The following ENDOD1 variants were observed in gnomAD, a reference collection of about 807,000 sequenced individuals.
ENDOD1 encodes the protein endonuclease domain-containing 1 protein.
In ENDOD1, 9 loss-of-function variants were observed where a neutral mutation model predicts 6.5. The observed-to-expected ratio is 1.39, with a 90% CI of 0.84 to 2.43. The LOEUF (loss-of-function observed/expected upper bound fraction) is 2.43. Among genes scored for constraint, ENDOD1 ranks in the 30% most tolerant of loss-of-function variants. The pLI, the probability that ENDOD1 is intolerant of heterozygous loss-of-function variation, is 0.00. For missense variants in ENDOD1, 648 were observed against 635.5 expected (o/e 1.02, Z -0.21); for synonymous variants, 255 against 255.2 (o/e 1.00, Z 0.01).
At chr11:95,094,738 T>C (rs571537486) in intron 1 of ENDOD1, among the ~76,000 whole-genome samples, 63 of 152,350 alleles carry the variant, frequency 4.1e-4, no homozygotes, top group African/African-American at 1.4e-3. Flanking sequence ...AGAACAGATA[T>C]ATAGAGCATC....
At chr11:95,122,364 A>G (rs1303050465) in intron 1 of ENDOD1, among the ~76,000 whole-genome samples, 2 of 150,648 alleles carry the variant, frequency 1.3e-5, no homozygotes, top group East Asian at 3.9e-4. Context: ...CTGGGACTAC[A>G]GGCACATGCC....
intron 1 of ENDOD1, among the ~76,000 whole-genome samples, chr11:95,105,199 G>C (rs1859077976): frequency 6.6e-6 from 1 of 152,172 alleles, no homozygotes; most frequent in Non-Finnish European, 1.5e-5. Flanking sequence ...GTTTAATGAG[G>C]AAACTACAGT....
chr11:95,114,799 A>G (rs1859189223), intron 1 of ENDOD1, among the ~76,000 whole-genome samples: 1 of 152,078 alleles, frequency 6.6e-6, no homozygotes, highest in Admixed American at 6.6e-5. Flanking sequence ...AAATGAGTTC[A>G]CTGTAGGCGT....
chr11:95,128,546 C>T lies in ENDOD1; in HGVS notation c.470C>T (p.Thr157Ile). The T allele has an allele frequency of 6.2e-7, 1 of 1,614,252 alleles. No individual in the cohort carries two copies. The highest frequency in any genetic ancestry group is 8.5e-7 in the Non-Finnish European group (1 of 1,180,040). Residue 157 changes from threonine to isoleucine, a missense_variant, in exon 2 of 2, where the codon ACA (threonine) becomes ATA (isoleucine). By Grantham distance (89) the Thr-to-Ile change is moderately conservative. Transcript: ENST00000278505. ...CTTAGCAGTGATGTCCAGGTGGCCA[C>T]ATTTACTCTCACAAATTCAGCCCCA... ...FSLSSDVQVA[T>I]FTLTNSAPMT...
At position 95,129,576 on chromosome 11, in the gene ENDOD1, A is replaced by T; in HGVS notation, c.1500A>T (p.Leu500Phe). 1.2e-6 allele frequency: 2 copies of T among 1,607,984 alleles called. No individual in the cohort carries two copies. Among genetic ancestry groups the T allele is most frequent in the African/African-American group, 1.3e-5 (1 of 74,696 alleles). ...TTACTTTTGACAATTCTGGGGAGTTATAAACTCAAAAAACTAATAGTATCC... is the reference window on the plus strand; with the variant it reads ...TTACTTTTGACAATTCTGGGGAGTTTTAAACTCAAAAAACTAATAGTATCC... The part of the protein sequence containing the change: ...YKVTFDNSGE[L>F] Residue 500 changes from leucine to phenylalanine, a missense_variant, in exon 2 of 2, where the codon TTA becomes TTT. By Grantham distance (22) the Leu-to-Phe change is conservative (BLOSUM62 0). Transcript: ENST00000278505.
chr11:95,090,419 G>A (rs1555109763), intron 1 of ENDOD1, among the ~76,000 whole-genome samples, 192 bp downstream of exon 1: 2 of 170 alleles, frequency 0.012, no homozygotes, highest in African/African-American at 0.04. Context: ...CGCCCCTGTC[G>A]AGCTACAATA....
In ENDOD1 at chr11:95,129,723, G is replaced by T; in HGVS notation, c.*144G>T. The stretch of plus-strand genomic sequence containing the variant: ...CTGCTTGTTTTTGCAAAAGAAGATG[G>T]CAGAATTTAGACTTGACAGAGGAGA... On this transcript the variant is annotated 3_prime_UTR_variant, in exon 2 of 2. Transcript: ENST00000278505. 1.2e-6 allele frequency: 1 copy of T among 817,224 alleles called. No homozygotes were observed. The highest frequency in any genetic ancestry group is 1.8e-5 in the South Asian group (1 of 55,832). 50.6% of individuals were successfully genotyped at this position (817,224 alleles called of 1,614,324 possible). A position where few individuals can be genotyped will look rare whatever the true frequency, so the allele number is the denominator to read the frequency against.
intron 1 of ENDOD1, among the ~76,000 whole-genome samples, chr11:95,112,635 G>T (rs1294975587): frequency 6.6e-6 from 1 of 152,178 alleles, no homozygotes; most frequent in Non-Finnish European, 1.5e-5. Context: ...TCTTGCTAAA[G>T]CTTTACTGAC....
chr11:95,102,195 C>T (rs1859047061), intron 1 of ENDOD1, among the ~76,000 whole-genome samples: 1 of 152,098 alleles, frequency 6.6e-6, no homozygotes, highest in Admixed American at 6.5e-5. Flanking sequence ...GTTACTAAAG[C>T]CTACTGCCAT....
At chr11:95,110,108 C>T (rs1218661899) in intron 1 of ENDOD1, among the ~76,000 whole-genome samples, 3 of 152,232 alleles carry the variant, frequency 2.0e-5, no homozygotes, top group Non-Finnish European at 4.4e-5. Context: ...TCTGTAAATT[C>T]CCTGGCATGG....
intron 1 of ENDOD1, among the ~76,000 whole-genome samples, chr11:95,102,339 C>A (rs182134209): frequency 1.4e-5 from 2 of 144,338 alleles, no homozygotes; most frequent in African/African-American, 5.6e-5. Flanking sequence ...TATTACATAT[C>A]ATCGTGAAGC....
At chr11:95,126,630 T>G (rs548994072) in intron 1 of ENDOD1, among the ~76,000 whole-genome samples, 1 of 152,334 alleles carries the variant, frequency 6.6e-6, no homozygotes, top group Non-Finnish European at 1.5e-5. Context: ...TTCAACATTA[T>G]AGCATATATT....
intron 1 of ENDOD1, among the ~76,000 whole-genome samples, chr11:95,107,640 A>G (rs113792656): frequency 2.0e-5 from 3 of 151,564 alleles, no homozygotes; most frequent in African/African-American, 7.3e-5. Context: ...CAGTCTGGAA[A>G]GGTCTTAAAG....
rs778094386 is a variant in ENDOD1, at chr11:95,128,685, G to A, written c.609G>A (p.Val203=). The A allele has an allele frequency of 6.8e-6, 11 of 1,614,152 alleles. No homozygotes were observed. The East Asian group carries it at 1.1e-4, about 16-fold the overall frequency. ...GEDLYILTGT[V]PSDYRVKDKV... is the part of the protein sequence containing the mutation. The stretch of plus-strand genomic sequence containing the variant: ...ACCTATATATCCTCACAGGCACAGT[G>A]CCCTCAGACTACAGAGTTAAAGACA... The change falls in exon 2 of 2, where the codon GTG becomes GTA. Residue 203 remains valine, a synonymous_variant. Coordinates refer to ENST00000278505, the MANE Select transcript of ENDOD1 (RefSeq NM_015036.3).
intron 1 of ENDOD1, among the ~76,000 whole-genome samples, chr11:95,123,355 G>T (rs754430668): frequency 4.4e-4 from 66 of 151,200 alleles, no homozygotes; most frequent in Non-Finnish European, 7.5e-4. Context: ...AGAAATACCT[G>T]CATGAACAGA....
At chr11:95,100,718 A>G (rs1394539534) in intron 1 of ENDOD1, among the ~76,000 whole-genome samples, 1 of 151,188 alleles carries the variant, frequency 6.6e-6, no homozygotes, top group Admixed American at 6.6e-5. Flanking sequence ...GCTGGTCTCA[A>G]ATTTCTGAGT....
At chr11:95,115,678 T>C (rs1356435671) in intron 1 of ENDOD1, among the ~76,000 whole-genome samples, 1 of 152,122 alleles carries the variant, frequency 6.6e-6, no homozygotes, top group East Asian at 1.9e-4. Flanking sequence ...TCCCTGCTTT[T>C]TTGAGGTCTT....
At chr11:95,109,723 A>G (rs1170930438) in intron 1 of ENDOD1, among the ~76,000 whole-genome samples, 1 of 152,262 alleles carries the variant, frequency 6.6e-6, no homozygotes, top group African/African-American at 2.4e-5. Flanking sequence ...CTGGCCTGCT[A>G]CCTGCTGCCA....
chr11:95,100,195 C>T (rs2134163198), intron 1 of ENDOD1, among the ~76,000 whole-genome samples: 1 of 152,262 alleles, frequency 6.6e-6, no homozygotes, highest in East Asian at 1.9e-4. Flanking sequence ...CCTGCACAGA[C>T]TTATCTGAAC....
Sources: gnomAD v4.1 joint callset for allele counts (sites outside exome capture counted in the v4.1 genomes callset) on GRCh38, gnomAD v4.1.1 for gene constraint, MANE v1.5 for transcripts, NCBI Gene and HGNC (gene_info 2026-07-23, HGNC 2026-07-21) for gene names.